SPECC1: variants seen among roughly 807,000 people sequenced by gnomAD.
SPECC1 encodes sperm antigen with calponin homology and coiled-coil domains 1.
SPECC1 carries 62 observed loss-of-function variants against 104.1 expected under a neutral mutation model. The ratio of observed to expected loss-of-function variants is 0.60; its 90% CI spans 0.49 to 0.74. The LOEUF (loss-of-function observed/expected upper bound fraction) is 0.74. Among genes scored for constraint, SPECC1 ranks in the 30% least tolerant of loss-of-function variants. The probability of loss-of-function intolerance (pLI) is 0.00; values close to 1 mark genes in which losing one functional copy is unlikely to be tolerated. For synonymous variants in SPECC1, 513 were observed against 501.6 expected (o/e 1.02, Z -0.30); for missense variants, 1,306 against 1,310.5 (o/e 1.00, Z 0.05).
chr17:20,266,708 A>G (rs1025324284), intron 12 of SPECC1, among the ~76,000 whole-genome samples: 1 of 152,238 alleles, frequency 6.6e-6, no homozygotes, highest in Non-Finnish European at 1.5e-5. Flanking sequence ...AAAAGGTAAC[A>G]TATGTACGGT....
intron 1 of SPECC1, among the ~76,000 whole-genome samples, chr17:20,030,936 T>TC (rs1258104223): frequency 6.6e-6 from 1 of 152,196 alleles, no homozygotes; most frequent in African/African-American, 2.4e-5. Context: ...TGCACATCTT[T>TC]CTCCTCCTCA....
At chr17:20,285,508 A>G (rs192246417) in intron 12 of SPECC1, among the ~76,000 whole-genome samples, 130 of 152,290 alleles carry the variant, frequency 8.5e-4, no homozygotes, top group Admixed American at 2.5e-3. Context: ...GACTTTCATC[A>G]AAAAGTTCCA....
At chr17:20,095,416 G>A (rs958229540) in intron 1 of SPECC1, among the ~76,000 whole-genome samples, 1 of 152,206 alleles carries the variant, frequency 6.6e-6, no homozygotes, top group African/African-American at 2.4e-5. Context: ...TCACAGAGCC[G>A]CTGCCATCAG....
At position 20,315,748 on chromosome 17, in the gene SPECC1, C is replaced by G. The variant is rs1471519492; in HGVS notation, c.*1683C>G. The G allele has an allele frequency of 4.3e-6, 1 of 232,490 alleles. No individual in the cohort carries two copies. Among genetic ancestry groups the G allele is most frequent in the African/African-American group, 2.2e-5 (1 of 45,434 alleles). 14.4% of individuals were successfully genotyped at this position (232,490 alleles called of 1,614,324 possible). On this transcript the variant is annotated 3_prime_UTR_variant, in exon 15 of 15. Coordinates refer to ENST00000395527, the MANE Select transcript of SPECC1 (RefSeq NM_001243439.2). ...AGCCAGACCTTTGCAGAGGTGGCAACTGGGCTGCACGGGTCAGCAGATCCC... is the reference window on the plus strand; with the variant it reads ...AGCCAGACCTTTGCAGAGGTGGCAAGTGGGCTGCACGGGTCAGCAGATCCC...
chr17:20,227,412 G>C lies in SPECC1; in HGVS notation c.1864-1G>C, dbSNP rs1484688594. 1.2e-6 allele frequency: 2 copies of C among 1,609,964 alleles called. No individual in the cohort carries two copies. The highest frequency in any genetic ancestry group is 2.7e-5 in the African/African-American group (2 of 74,550). On this transcript the variant is annotated splice_acceptor_variant, in intron 4 of 14. Transcript: ENST00000395527. LOFTEE classifies it high-confidence loss of function. ...ACCAAGGAACCTTCCTTTTATTTTA[G>C]GTGGAAAAGGATTATTCATACCTGA...
chr17:20,296,203 TG>T (rs1228459084), intron 12 of SPECC1, among the ~76,000 whole-genome samples: 1 of 152,206 alleles, frequency 6.6e-6, no homozygotes, highest in Non-Finnish European at 1.5e-5. Context: ...TTGTCTAAGG[TG>T]TAAGGAAGGG....
intron 7 of SPECC1, chr17:20,237,917 T>G: frequency 2.0e-6 from 1 of 499,780 alleles, no homozygotes; most frequent in Non-Finnish European, 2.7e-6. Context: ...TAATTTTGTA[T>G]TTTTAGTAGA....
chr17:20,283,223 G>A (rs2040834134), intron 12 of SPECC1, among the ~76,000 whole-genome samples: 1 of 152,242 alleles, frequency 6.6e-6, no homozygotes, highest in East Asian at 1.9e-4. Context: ...GCAATAATAT[G>A]AACAGGAGCA....
intron 12 of SPECC1, among the ~76,000 whole-genome samples, chr17:20,295,956 C>T (rs2041335962): frequency 6.6e-6 from 1 of 152,110 alleles, no homozygotes; most frequent in Admixed American, 6.5e-5. Flanking sequence ...AAAATTTTCT[C>T]CCATTCTGTA....
chr17:20,210,170 A>G (rs748697230), intron 4 of SPECC1, among the ~76,000 whole-genome samples: 13 of 152,210 alleles, frequency 8.5e-5, no homozygotes, highest in Non-Finnish European at 1.8e-4. Context: ...TAGCTGTGAC[A>G]TTGGAATAGG....
chr17:20,241,929 A>C lies in SPECC1; in HGVS notation c.2352-3997A>C, dbSNP rs188226030. On this transcript the variant is annotated intron_variant, in intron 7 of 14. Transcript: ENST00000395527. ...TAAAAGTAAAAAACTTCAGGTGAAT[A>C]GTCCAAAACTAGATGGGCAGAGGGG... Among the ~76,000 whole-genome samples, 351 of 152,352 alleles carry C rather than the reference A, an allele frequency of 2.3e-3. 1 individual carries two copies. Among genetic ancestry groups the C allele is most frequent in the African/African-American group, 8.2e-3 (340 of 41,582 alleles).
chr17:20,296,463 C>T (rs1188912289), intron 12 of SPECC1, among the ~76,000 whole-genome samples: 1 of 152,194 alleles, frequency 6.6e-6, no homozygotes, highest in Non-Finnish European at 1.5e-5. Context: ...GTGATGCCTC[C>T]AGCTTTGTGC....
intron 1 of SPECC1, among the ~76,000 whole-genome samples, chr17:20,032,555 C>T (rs1364719543): frequency 1.3e-5 from 2 of 152,016 alleles, no homozygotes. Flanking sequence ...GTTGAACCTT[C>T]TCTAGTGAAT....
chr17:20,113,816 C>T (rs1249948034), intron 3 of SPECC1, among the ~76,000 whole-genome samples: 2 of 152,226 alleles, frequency 1.3e-5, no homozygotes, highest in East Asian at 1.9e-4. Flanking sequence ...GCCTAGTTTT[C>T]TCATACAATC....
At chr17:20,171,184 A>G (rs947843421) in intron 3 of SPECC1, among the ~76,000 whole-genome samples, 1 of 152,196 alleles carries the variant, frequency 6.6e-6, no homozygotes, top group Non-Finnish European at 1.5e-5. Flanking sequence ...TGGACCAAAA[A>G]TGTCATATAA....
chr17:20,186,130 A>C (rs989917205), intron 3 of SPECC1, among the ~76,000 whole-genome samples: 1 of 152,116 alleles, frequency 6.6e-6, no homozygotes, highest in Non-Finnish European at 1.5e-5. Flanking sequence ...GAGCCACTGC[A>C]CCCAGCTTGT....
At chr17:20,157,308 A>G (rs2032678756) in intron 3 of SPECC1, among the ~76,000 whole-genome samples, 1 of 152,018 alleles carries the variant, frequency 6.6e-6, no homozygotes, top group Admixed American at 6.6e-5. Context: ...AGGATGGAAA[A>G]CTTGGACGGG....
intron 1 of SPECC1, among the ~76,000 whole-genome samples, chr17:20,020,874 G>A (rs558636494): frequency 1.3e-5 from 2 of 152,280 alleles, no homozygotes; most frequent in Non-Finnish European, 2.9e-5. Flanking sequence ...GAACAATGAG[G>A]GGGTCAGGGG....
chr17:20,173,566 A>G lies in SPECC1; in HGVS notation c.284-30767A>G, dbSNP rs77315459. Among the ~76,000 whole-genome samples the G allele has an allele frequency of 3.0e-3, 457 of 152,326 alleles. 18 individuals carry two copies. The East Asian group carries it at 0.085, about 28-fold the overall frequency. ...TCCCAGCAGTCTAGCCATCTCAACC[A>G]TAAAGGAATGGCGAAGTAATGATGG... On this transcript the variant is annotated intron_variant, in intron 3 of 14. Coordinates refer to ENST00000395527, the MANE Select transcript of SPECC1 (RefSeq NM_001243439.2).
Sources: allele counts gnomAD v4.1 joint callset (sites outside exome capture counted in the v4.1 genomes callset), GRCh38; gene constraint gnomAD v4.1.1; transcripts MANE v1.5; gene names NCBI Gene and HGNC (gene_info 2026-07-23, HGNC 2026-07-21).